The following KIAA0586 variants were observed in gnomAD, a reference collection of about 807,000 sequenced individuals.
KIAA0586 encodes the protein KIAA0586.
KIAA0586 carries 144 observed loss-of-function variants against 169.8 expected under a neutral mutation model. The observed-to-expected ratio is 0.85, with a 90% confidence interval of 0.74 to 0.97. The LOEUF (loss-of-function observed/expected upper bound fraction) is 0.97. Among genes scored for constraint, KIAA0586 ranks in the 50% least tolerant of loss-of-function variants. KIAA0586 has a pLI of 0.00. For synonymous variants in KIAA0586, 625 were observed against 612.4 expected (o/e 1.02, Z -0.30); for missense variants, 1,854 against 1,823.0 (o/e 1.02, Z -0.31).
rs1259908890 is a variant in KIAA0586, at chr14:58,461,118, A to G, written c.2017A>G (p.Lys673Glu). 1 of 1,610,216 alleles carries G rather than the reference A, an allele frequency of 6.2e-7. No homozygotes were observed. Among genetic ancestry groups the G allele is most frequent in the African/African-American group, 1.3e-5 (1 of 74,904 alleles). Residue 673 changes from lysine (K) to glutamate (E), a missense_variant, in exon 14 of 31, where the codon AAG becomes GAG. Lys to Glu is a moderately conservative substitution (Grantham distance 56). Transcript: ENST00000652326. ...PYLRFNSPSP[K>E]SRPQRPKVIE... ...TCTCAGATTTAATTCTCCATCTCCT[A>G]AGTCCAGACCACAGAGACCAAAAGT...
At chr14:58,560,087 G>A in the KIAA0586 span, among the ~76,000 whole-genome samples, 5 of 150,612 alleles carry the variant, frequency 3.3e-5, 1 homozygote, top group East Asian at 2.0e-4. Flanking sequence ...GGAGGCGGAG[G>A]TTGCAGTGAG....
At chr14:58,484,502 C>A (rs927280071) in intron 21 of KIAA0586, among the ~76,000 whole-genome samples, 66 of 152,100 alleles carry the variant, frequency 4.3e-4, no homozygotes, top group African/African-American at 1.5e-3. Flanking sequence ...AGAGCTTAAT[C>A]TAGTGCCTAG....
chr14:58,508,495 C>T (rs1026675217), intron 27 of KIAA0586, 60 bp from the exon 28 acceptor site: 1 of 1,335,340 alleles, frequency 7.5e-7, no homozygotes, highest in East Asian at 2.5e-5. Context: ...ACTACTTGTT[C>T]ATTTTTGAAG....
chr14:58,439,109 C>T (rs1203185965), intron 4 of KIAA0586, among the ~76,000 whole-genome samples: 1 of 152,156 alleles, frequency 6.6e-6, no homozygotes, highest in Non-Finnish European at 1.5e-5. Flanking sequence ...GAATTGGGCC[C>T]TAACTCTACC....
the KIAA0586 span, among the ~76,000 whole-genome samples, chr14:58,558,845 G>C: frequency 6.6e-6 from 1 of 152,196 alleles, no homozygotes; most frequent in Non-Finnish European, 1.5e-5. Context: ...AGTAGTCCTT[G>C]TTCTTAACAG....
At chr14:58,560,516 G>A in the KIAA0586 span, among the ~76,000 whole-genome samples, 1 of 152,306 alleles carries the variant, frequency 6.6e-6, no homozygotes, top group East Asian at 1.9e-4. Flanking sequence ...GAAGTCCATT[G>A]AAAATGTGTT....
chr14:58,432,154 G>A (rs952703791), intron 3 of KIAA0586, among the ~76,000 whole-genome samples: 2 of 152,088 alleles, frequency 1.3e-5, no homozygotes, highest in African/African-American at 4.8e-5. Context: ...CTAGTTCTTA[G>A]GGGGAATGTG....
chr14:58,432,535 A>T (rs777628760), intron 4 of KIAA0586, 78 bp downstream of exon 4: 77 of 747,794 alleles, frequency 1.0e-4, no homozygotes, highest in Non-Finnish European at 1.5e-4. Flanking sequence ...CATATGAAAA[A>T]CCTTTTCACT....
chr14:58,508,469 T>C (rs779991150), intron 27 of KIAA0586, 86 bp from the exon 28 acceptor site: 74 of 1,013,762 alleles, frequency 7.3e-5, no homozygotes, highest in Non-Finnish European at 1.1e-4. Flanking sequence ...GTGAGAAATA[T>C]TGGTGGTTTT....
Position 58,548,084 on chromosome 14 carries a change from GTATT to G in KIAA0586, c.*155_*158del. Reference sequence around the variant, plus strand: ...AAATAAAACAAAAAGCATAATTTGGGTATTTAAAGTTTTTAAATAAAATAAGTAT... The same window carrying G: ...AAATAAAACAAAAAGCATAATTTGGGTAAAGTTTTTAAATAAAATAAGTAT... On this transcript the variant is annotated 3_prime_UTR_variant, in exon 31 of 31. Transcript: ENST00000652326. The G allele has an allele frequency of 2.2e-6, 2 of 900,816 alleles. No individual in the cohort carries two copies. Among genetic ancestry groups the G allele is most frequent in the Non-Finnish European group, 3.2e-6 (2 of 618,536 alleles). 55.8% of individuals were successfully genotyped at this position (900,816 alleles called of 1,614,324 possible). A position where few individuals can be genotyped will look rare whatever the true frequency, so the allele number is the denominator to read the frequency against.
chr14:58,517,224 C>T (rs1409449536), intron 29 of KIAA0586, among the ~76,000 whole-genome samples: 1 of 152,082 alleles, frequency 6.6e-6, no homozygotes, highest in Non-Finnish European at 1.5e-5. Context: ...TGCAAATTTG[C>T]TTTCTGATGA....
chr14:58,474,767 A>G lies in KIAA0586; in HGVS notation c.2795A>G (p.Lys932Arg). 1.2e-6 allele frequency: 2 copies of G among 1,608,010 alleles called. No individual in the cohort carries two copies. The highest frequency in any genetic ancestry group is 1.7e-6 in the Non-Finnish European group (2 of 1,178,222). The change falls in exon 19 of 31, where the codon AAA becomes AGA. Residue 932 changes from lysine (K) to arginine (R), a missense_variant. Physicochemically the swap from Lys to Arg is conservative, Grantham distance 26. Transcript: ENST00000652326. ...ATTCTGGATAAAGTAATTGAGAGAAAAGAAACACTGGAAAATAGCTTAATT... is the reference window on the plus strand; with the variant it reads ...ATTCTGGATAAAGTAATTGAGAGAAGAGAAACACTGGAAAATAGCTTAATT... ...ADILDKVIER[K>R]ETLENSLIQW...
In KIAA0586 at chr14:58,521,966, G is replaced by C. The variant is rs139949329; in HGVS notation, c.4429+9339G>C. ...GAAGAAGGAGAGGATGACAGAGACA[G>C]CACCAATGGCGAAGATAACTCTTAA... is the stretch of plus-strand genomic sequence containing the variant. On this transcript the variant is annotated intron_variant, in intron 29 of 30. Coordinates refer to ENST00000652326, the MANE Select transcript of KIAA0586 (RefSeq NM_001329943.3). 334 of 1,365,186 alleles carry C rather than the reference G, an allele frequency of 2.4e-4. 1 individual carries two copies. In the East Asian group the frequency reaches 7.4e-3, roughly 30 times the overall value. The allele number at this position is 1,365,186 out of a possible 1,614,324, so 84.6% of individuals were successfully genotyped here. A position where few individuals can be genotyped will look rare whatever the true frequency, so the allele number is the denominator to read the frequency against.
chr14:58,512,583 T>G lies in KIAA0586; in HGVS notation c.4385T>G (p.Leu1462Arg), dbSNP rs771384005. 38 of 1,543,282 alleles carry G rather than the reference T, an allele frequency of 2.5e-5. No homozygotes were observed. The highest frequency in any genetic ancestry group is 3.3e-5 in the Non-Finnish European group (38 of 1,153,182). ...QVEHKPSQSY[L>R]RVRNKSDIAP... ...GAACACAAACCATCACAAAGTTACC[T>G]ACGTGTTAGAAATAAATCTGATATT... Residue 1462 changes from leucine to arginine, a missense_variant, in exon 29 of 31, where the codon CTA (leucine) becomes CGA (arginine). Leu to Arg is a moderately radical substitution (Grantham distance 102). Coordinates refer to ENST00000652326, the MANE Select transcript of KIAA0586 (RefSeq NM_001329943.3).
chr14:58,450,444 A>T, intron 7 of KIAA0586, 135 bp from the exon 8 acceptor site: 4 of 578,116 alleles, frequency 6.9e-6, no homozygotes, highest in Non-Finnish European at 1.2e-5. Flanking sequence ...GGGTGAAGTT[A>T]TTTCTCTACA....
chr14:58,435,946 C>T (rs1284625699), intron 4 of KIAA0586, among the ~76,000 whole-genome samples: 2 of 151,966 alleles, frequency 1.3e-5, no homozygotes, highest in African/African-American at 4.8e-5. Flanking sequence ...TGACCTTAGG[C>T]GATCTGCCCA....
At chr14:58,527,918 G>C (rs911665368) in intron 29 of KIAA0586, among the ~76,000 whole-genome samples, 1 of 152,092 alleles carries the variant, frequency 6.6e-6, no homozygotes, top group Non-Finnish European at 1.5e-5. Context: ...TAGCAAATAG[G>C]ATAATGAGTC....
At chr14:58,448,558 G>A in intron 7 of KIAA0586, 65 bp downstream of exon 7, 1 of 1,183,290 alleles carries the variant, frequency 8.5e-7, no homozygotes, top group East Asian at 2.5e-5. Flanking sequence ...TGCTACATAA[G>A]CTGAAAACAT....
At chr14:58,485,874 A>T (rs1394020878) in intron 21 of KIAA0586, among the ~76,000 whole-genome samples, 1 of 152,084 alleles carries the variant, frequency 6.6e-6, no homozygotes, top group Non-Finnish European at 1.5e-5. Context: ...TATGTTGTCA[A>T]TCACTTAAAA....
Sources: allele counts gnomAD v4.1 joint callset (sites outside exome capture counted in the v4.1 genomes callset), GRCh38; gene constraint gnomAD v4.1.1; transcripts MANE v1.5; gene names NCBI Gene and HGNC (gene_info 2026-07-23, HGNC 2026-07-21).